Variants in ZMYND8 observed in about 807,000 individuals in gnomAD.
ZMYND8 encodes the protein MYND-type zinc finger-containing chromatin reader ZMYND8.
Under a neutral mutation model 140.8 loss-of-function variants are expected in ZMYND8, and 37 were observed. That is an observed-to-expected ratio of 0.26 (90% confidence interval 0.20 to 0.35). The LOEUF is 0.35. Among genes scored for constraint, ZMYND8 ranks in the 10% least tolerant of loss-of-function variants. ZMYND8 has a pLI of 1.00. For synonymous variants in ZMYND8, 592 were observed against 597.1 expected (o/e 0.99, Z 0.12); for missense variants, 1,068 against 1,570.0 (o/e 0.68, Z 5.40).
chr20:47,338,440 CAT>C (rs909561129), intron 2 of ZMYND8, among the ~76,000 whole-genome samples: 1 of 151,058 alleles, frequency 6.6e-6, no homozygotes, highest in Non-Finnish European at 1.5e-5. Context: ...AAAAAAAAAA[CAT>C]GTTCACTGAG....
intron 21 of ZMYND8, among the ~76,000 whole-genome samples, chr20:47,217,232 G>A (rs994286931): frequency 6.6e-6 from 1 of 151,902 alleles, no homozygotes; most frequent in Non-Finnish European, 1.5e-5. Context: ...CTAGAGATCA[G>A]TGCCTTATTA....
chr20:47,326,709 C>T (rs2080450350), intron 2 of ZMYND8, among the ~76,000 whole-genome samples: 1 of 152,164 alleles, frequency 6.6e-6, no homozygotes, highest in Admixed American at 6.6e-5. Flanking sequence ...ACAGGCTCAG[C>T]TTCGACTGGG....
chr20:47,247,273 C>G (rs182756967), intron 13 of ZMYND8, among the ~76,000 whole-genome samples: 62 of 152,316 alleles, frequency 4.1e-4, no homozygotes, highest in African/African-American at 1.5e-3. Context: ...GCCTGCCAGG[C>G]ATTGGCTGGA....
At chr20:47,214,922 A>G (rs1180756714) in intron 21 of ZMYND8, among the ~76,000 whole-genome samples, 2 of 152,184 alleles carry the variant, frequency 1.3e-5, no homozygotes, top group African/African-American at 4.8e-5. Flanking sequence ...GTCTTTTAAG[A>G]AAAAAGTCTC....
At chr20:47,276,849 T>C (rs1313047572) in intron 10 of ZMYND8, 54 bp from the exon 11 acceptor site, 5 of 1,492,680 alleles carry the variant, frequency 3.3e-6, no homozygotes, top group Non-Finnish European at 4.4e-6. Flanking sequence ...ATTTCCAAGA[T>C]TGCTTTTTTC....
chr20:47,349,456 C>A (rs537041280), intron 1 of ZMYND8, among the ~76,000 whole-genome samples: 2 of 152,170 alleles, frequency 1.3e-5, no homozygotes, highest in Non-Finnish European at 2.9e-5. Flanking sequence ...AATAATACAA[C>A]GGTGATTTAT....
chr20:47,349,855 A>T, intron 1 of ZMYND8: 6 of 1,533,264 alleles, frequency 3.9e-6, no homozygotes, highest in Non-Finnish European at 5.2e-6. Flanking sequence ...GCCAAAAAAA[A>T]CCCACTTGAA....
intron 12 of ZMYND8, among the ~76,000 whole-genome samples, chr20:47,257,909 G>A (rs950172659): frequency 5.9e-5 from 9 of 152,134 alleles, no homozygotes; most frequent in African/African-American, 2.2e-4. Context: ...CCAGGCTGGA[G>A]TGCAGTGATG....
At chr20:47,212,064 CCTT>C (rs1313982414) in intron 22 of ZMYND8, among the ~76,000 whole-genome samples, 3 of 152,220 alleles carry the variant, frequency 2.0e-5, no homozygotes, top group Admixed American at 2.0e-4. Context: ...CCTTCTTATG[CCTT>C]CTTCCCTTAG....
At chr20:47,311,484 CCT>C (rs1474820187) in intron 2 of ZMYND8, among the ~76,000 whole-genome samples, 2 of 152,028 alleles carry the variant, frequency 1.3e-5, no homozygotes, top group African/African-American at 4.8e-5. Context: ...TAAAACCAGT[CCT>C]CTGTTTGCAG....
chr20:47,348,270 A>T, intron 1 of ZMYND8: 1 of 338,466 alleles, frequency 3.0e-6, no homozygotes, highest in East Asian at 7.8e-5. Flanking sequence ...CATTGTTAAC[A>T]CAGGGTTCAA....
chr20:47,342,205 C>T (rs1475724652), intron 2 of ZMYND8, among the ~76,000 whole-genome samples: 1 of 151,830 alleles, frequency 6.6e-6, no homozygotes, highest in Non-Finnish European at 1.5e-5. Flanking sequence ...AAAACGAGCA[C>T]ACTTAGTGCC....
chr20:47,251,054 G>C (rs1218164320), intron 12 of ZMYND8, among the ~76,000 whole-genome samples: 1 of 151,764 alleles, frequency 6.6e-6, no homozygotes, highest in Non-Finnish European at 1.5e-5. Context: ...GGAGGGAAGA[G>C]ATGGGTCTTT....
At position 47,209,736 on chromosome 20, in the gene ZMYND8, G is replaced by A. The variant is rs191082843; in HGVS notation, c.*1025C>T. 15 of 152,770 alleles carry A rather than the reference G, an allele frequency of 9.8e-5. No individual in the cohort carries two copies. The East Asian group carries it at 2.7e-3, about 27-fold the overall frequency. The allele number at this position is 152,770 out of a possible 1,614,324, so 9.5% of individuals were successfully genotyped here. Reference sequence around the variant, plus strand: ...AAAATGGCTCTACAGCATACGTAGTGTACGGACAGCATGACGGGCCTTGCT... The same window carrying A: ...AAAATGGCTCTACAGCATACGTAGTATACGGACAGCATGACGGGCCTTGCT... On this transcript the variant is annotated 3_prime_UTR_variant, in exon 23 of 23. Transcript: ENST00000471951.
At chr20:47,304,126 T>C (rs2078295616) in intron 3 of ZMYND8, among the ~76,000 whole-genome samples, 1 of 152,214 alleles carries the variant, frequency 6.6e-6, no homozygotes, top group South Asian at 2.1e-4. Flanking sequence ...TGTTACCAGT[T>C]TGATAACTAG....
intron 11 of ZMYND8, among the ~76,000 whole-genome samples, chr20:47,268,959 G>C (rs544416129): frequency 2.6e-5 from 4 of 152,196 alleles, no homozygotes; most frequent in South Asian, 2.1e-4. Context: ...CCAGCACTTC[G>C]GGAGGCCAAG....
At chr20:47,222,352 A>G (rs3092245) in intron 19 of ZMYND8, among the ~76,000 whole-genome samples, 32,650 of 152,162 alleles carry the variant, frequency 0.21, 4,584 homozygotes, top group African/African-American at 0.4. Context: ...TGGCTAACAC[A>G]GTAAAACCCT....
chr20:47,337,898 A>T lies in ZMYND8; in HGVS notation c.85+9958T>A, dbSNP rs147193315. Among the ~76,000 whole-genome samples, 73 of 152,228 alleles carry T rather than the reference A, an allele frequency of 4.8e-4. 1 individual carries two copies. The highest frequency in any genetic ancestry group is 2.0e-4 in the Admixed American group (3 of 15,286). On this transcript the variant is annotated intron_variant, in intron 2 of 22. Transcript: ENST00000471951. ...GGAATTACTCAGTTAATAAGTGAGT[A>T]TGTGTCAAGGGGAGAGGGGCGTAAA...
chr20:47,247,003 G>C (rs6063089), intron 13 of ZMYND8, among the ~76,000 whole-genome samples: 94,474 of 151,968 alleles, frequency 0.62, 30,315 homozygotes, highest in African/African-American at 0.78. Flanking sequence ...GTTTCCAAAG[G>C]GTTAAAGTTC....
Sources: gnomAD v4.1 joint callset for allele counts (sites outside exome capture counted in the v4.1 genomes callset) on GRCh38, gnomAD v4.1.1 for gene constraint, MANE v1.5 for transcripts, NCBI Gene and HGNC (gene_info 2026-07-23, HGNC 2026-07-21) for gene names.